UVRAG: variants seen among roughly 807,000 people sequenced by gnomAD.
UVRAG encodes UV radiation resistance-associated gene protein.
Under a neutral mutation model 78.0 loss-of-function variants are expected in UVRAG, and 19 were observed. The ratio of observed to expected loss-of-function variants is 0.24; its 90% CI spans 0.17 to 0.36. UVRAG has a LOEUF of 0.36. Ranked by LOEUF, UVRAG falls within the 10% of genes least tolerant of loss-of-function variation. The pLI, the probability that UVRAG is intolerant of heterozygous loss-of-function variation, is 1.00. For synonymous variants in UVRAG, 323 were observed against 324.6 expected, an observed-to-expected ratio of 1.00 and a Z score of 0.05; for missense variants, 740 against 853.8, an observed-to-expected ratio of 0.87 and a Z score of 1.66.
intron 5 of UVRAG, among the ~76,000 whole-genome samples, chr11:75,905,617 T>C (rs1002955988): frequency 2.0e-5 from 3 of 152,232 alleles, no homozygotes; most frequent in African/African-American, 7.2e-5. Flanking sequence ...GGAAGGAATG[T>C]ACTTCATTCC....
chr11:75,903,842 A>T (rs1023990490), intron 5 of UVRAG, among the ~76,000 whole-genome samples: 47 of 152,148 alleles, frequency 3.1e-4, no homozygotes, highest in African/African-American at 1.1e-3. Flanking sequence ...GTATAATGCT[A>T]TTTGCTTCCT....
At position 75,831,412 on chromosome 11, in the gene UVRAG, C is replaced by T. The variant is rs373793831; in HGVS notation, c.117+15888C>T. ...CCGAGGCAGGAGAATCACTTGAACC[C>T]GGGAGGCGGAGATTGCAGTTAGCCA... On this transcript the variant is annotated intron_variant, in intron 1 of 14. Coordinates refer to ENST00000356136, the MANE Select transcript of UVRAG (RefSeq NM_003369.4). 8.7e-4 allele frequency among the ~76,000 whole-genome samples: 132 copies of T among 151,670 alleles called. 3 individuals are homozygous for T. The South Asian group carries it at 0.021, about 24-fold the overall frequency.
At chr11:76,019,645 C>G (rs1950205877) in intron 12 of UVRAG, among the ~76,000 whole-genome samples, 1 of 152,188 alleles carries the variant, frequency 6.6e-6, no homozygotes, top group African/African-American at 2.4e-5. Context: ...CTCTGGATTA[C>G]CAGGCAGAGA....
At chr11:76,137,279 G>A (rs1057179625) in intron 14 of UVRAG, 4 of 454,640 alleles carry the variant, frequency 8.8e-6, no homozygotes, top group East Asian at 7.0e-5. Context: ...CACCCACAGC[G>A]CCAGAGGGGA....
At chr11:76,098,575 T>C (rs1441966191) in intron 13 of UVRAG, among the ~76,000 whole-genome samples, 1 of 152,212 alleles carries the variant, frequency 6.6e-6, no homozygotes, top group African/African-American at 2.4e-5. Context: ...AAGTGGCAGT[T>C]TGAAGATAGA....
At chr11:76,132,467 T>C (rs1295104424) in intron 14 of UVRAG, among the ~76,000 whole-genome samples, 1 of 152,238 alleles carries the variant, frequency 6.6e-6, no homozygotes, top group Admixed American at 6.5e-5. Flanking sequence ...AGACTGTGAA[T>C]TGTACTCTGT....
At chr11:75,954,139 G>A (rs1431283863) in intron 6 of UVRAG, among the ~76,000 whole-genome samples, 1 of 152,132 alleles carries the variant, frequency 6.6e-6, no homozygotes, top group Admixed American at 6.6e-5. Context: ...AAAGGGGGGT[G>A]TTATTAGCTC....
At chr11:75,844,514 C>T (rs80293237) in intron 1 of UVRAG, among the ~76,000 whole-genome samples, 11,466 of 152,022 alleles carry the variant, frequency 0.075, 1,412 homozygotes, top group African/African-American at 0.26. Context: ...GGTGAGCCAC[C>T]GTGCCCGGCC....
At chr11:76,136,325 G>A (rs968804098) in intron 14 of UVRAG, among the ~76,000 whole-genome samples, 4 of 151,764 alleles carry the variant, frequency 2.6e-5, no homozygotes, top group African/African-American at 4.8e-5. Context: ...TTTTTTAATA[G>A]CAAAGGTTCA....
In UVRAG at chr11:75,879,891, C is replaced by G; in HGVS notation, c.283C>G (p.Arg95Gly). ...TTTTCATGAGCAGAATCCCACGTGG[C>G]GAAGTCTCGATTTTGGAATTATGCC... Reference protein sequence around the residue: ...VIKNSLNPTWRSLDFGIMPDR... With the variant: ...VIKNSLNPTWGSLDFGIMPDR... The change falls in exon 4 of 15, where the codon CGA becomes GGA. Residue 95 changes from arginine (R) to glycine (G), a missense_variant. Transcript: ENST00000356136. The G allele has an allele frequency of 1.9e-6, 3 of 1,613,694 alleles. No individual in the cohort carries two copies. Among genetic ancestry groups the G allele is most frequent in the Non-Finnish European group, 2.5e-6 (3 of 1,179,722 alleles).
chr11:75,897,260 T>A (rs932159308), intron 5 of UVRAG, among the ~76,000 whole-genome samples: 1 of 151,888 alleles, frequency 6.6e-6, no homozygotes, highest in African/African-American at 2.4e-5. Flanking sequence ...TGAAAACTCC[T>A]TATTTTATAT....
chr11:75,858,658 A>T (rs143697375), intron 2 of UVRAG, among the ~76,000 whole-genome samples: 68 of 152,350 alleles, frequency 4.5e-4, no homozygotes, highest in African/African-American at 1.5e-3. Context: ...GAGAATGTGT[A>T]CTTGAAGTTT....
intron 7 of UVRAG, among the ~76,000 whole-genome samples, chr11:75,978,075 A>ATC (rs1039873421): frequency 1.8e-4 from 28 of 152,180 alleles, no homozygotes; most frequent in African/African-American, 6.5e-4. Context: ...TGGTGACAAA[A>ATC]TCTCTCAGCA....
At chr11:75,841,662 T>C (rs1214841113) in intron 1 of UVRAG, among the ~76,000 whole-genome samples, 1 of 152,202 alleles carries the variant, frequency 6.6e-6, no homozygotes, top group Non-Finnish European at 1.5e-5. Context: ...TTATGACTTG[T>C]GAAATGCTTG....
chr11:75,999,374 TTTTGTTTGTTTA>T (rs1565112359), intron 8 of UVRAG, among the ~76,000 whole-genome samples: 1 of 152,008 alleles, frequency 6.6e-6, no homozygotes, highest in Non-Finnish European at 1.5e-5. Flanking sequence ...TCAGTTGTTT[TTTTGTTTGTTTA>T]TTTGTTTGTT....
intron 12 of UVRAG, among the ~76,000 whole-genome samples, chr11:76,052,557 T>C (rs1452343684): frequency 6.6e-6 from 1 of 152,208 alleles, no homozygotes; most frequent in Non-Finnish European, 1.5e-5. Context: ...ATTTACCATA[T>C]TATCAGCGCT....
At chr11:75,893,778 G>A (rs888901489) in intron 5 of UVRAG, among the ~76,000 whole-genome samples, 2 of 151,288 alleles carry the variant, frequency 1.3e-5, no homozygotes, top group Non-Finnish European at 2.9e-5. Context: ...AGGAATTTGA[G>A]GCTGCAGTGA....
chr11:75,882,784 A>G (rs796327514), intron 4 of UVRAG, among the ~76,000 whole-genome samples: 7 of 152,284 alleles, frequency 4.6e-5, no homozygotes, highest in African/African-American at 1.2e-4. Flanking sequence ...AAGTGAGATC[A>G]TGCTTTTAAC....
intron 11 of UVRAG, among the ~76,000 whole-genome samples, chr11:76,011,675 C>G (rs1950052843): frequency 1.3e-5 from 2 of 152,126 alleles, no homozygotes; most frequent in Admixed American, 6.6e-5. Flanking sequence ...CAGGCACTTG[C>G]ATTTACTAAA....
Sources: gnomAD v4.1 joint callset for allele counts (sites outside exome capture counted in the v4.1 genomes callset) on GRCh38, gnomAD v4.1.1 for gene constraint, MANE v1.5 for transcripts, NCBI Gene and HGNC (gene_info 2026-07-23, HGNC 2026-07-21) for gene names.